The following GSK3B variants were observed in gnomAD, a reference collection of about 807,000 sequenced individuals.
The protein encoded by GSK3B is glycogen synthase kinase 3 beta.
Under a neutral mutation model 56.4 loss-of-function variants are expected in GSK3B, and 15 were observed. The ratio of observed to expected loss-of-function variants is 0.27; its 90% confidence interval spans 0.18 to 0.41. The LOEUF is 0.41. GSK3B is among the 10% of genes least tolerant of loss of function. The pLI, the probability that GSK3B is intolerant of heterozygous loss-of-function variation, is 1.00. For synonymous variants in GSK3B, 181 were observed against 188.9 expected, an observed-to-expected ratio of 0.96 and a Z score of 0.34; for missense variants, 300 against 513.4, an observed-to-expected ratio of 0.58 and a Z score of 4.02.
At chr3:120,006,102 G>C (rs1251205887) in intron 1 of GSK3B, among the ~76,000 whole-genome samples, 4 of 149,578 alleles carry the variant, frequency 2.7e-5, no homozygotes, top group Non-Finnish European at 4.5e-5. Context: ...CAAATGGAAA[G>C]CAAAAAAAAA....
chr3:119,851,313 T>C (rs1241554733), intron 9 of GSK3B, among the ~76,000 whole-genome samples: 2 of 152,194 alleles, frequency 1.3e-5, no homozygotes, highest in Non-Finnish European at 2.9e-5. Flanking sequence ...CAAATATGCC[T>C]GATAAAGCAG....
chr3:119,897,806 AAAAAAG>A (rs1203821981), intron 7 of GSK3B, among the ~76,000 whole-genome samples: 2 of 151,240 alleles, frequency 1.3e-5, no homozygotes, highest in Non-Finnish European at 3.0e-5. Context: ...AAAAAAAAAA[AAAAAAG>A]AAAAAGAAAA....
chr3:120,058,642 T>A (rs1051761734), intron 1 of GSK3B, among the ~76,000 whole-genome samples: 33 of 152,276 alleles, frequency 2.2e-4, no homozygotes, highest in African/African-American at 7.7e-4. Context: ...TTAACTTCTC[T>A]AAACTCAATT....
At chr3:119,918,507 G>T (rs2056804698) in intron 4 of GSK3B, among the ~76,000 whole-genome samples, 1 of 151,650 alleles carries the variant, frequency 6.6e-6, no homozygotes. Flanking sequence ...CAAAAAAAAA[G>T]CAGTTTGGTG....
chr3:119,986,939 A>G (rs1231881488), intron 2 of GSK3B, among the ~76,000 whole-genome samples: 3 of 152,252 alleles, frequency 2.0e-5, no homozygotes, highest in African/African-American at 7.2e-5. Flanking sequence ...ATGTCCATCA[A>G]TGATAGACTG....
chr3:120,032,398 C>A (rs1319252731), intron 1 of GSK3B, among the ~76,000 whole-genome samples: 1 of 152,040 alleles, frequency 6.6e-6, no homozygotes, highest in African/African-American at 2.4e-5. Flanking sequence ...TCGCTTGAAC[C>A]CAGGAGGCGG....
At chr3:120,026,469 C>T (rs1170007173) in intron 1 of GSK3B, among the ~76,000 whole-genome samples, 1 of 146,892 alleles carries the variant, frequency 6.8e-6, no homozygotes, top group Non-Finnish European at 1.5e-5. Flanking sequence ...CAAAAATAAA[C>T]CACTGCTGGA....
At chr3:119,966,219 G>GT (rs564537847) in intron 2 of GSK3B, among the ~76,000 whole-genome samples, 2 of 152,140 alleles carry the variant, frequency 1.3e-5, no homozygotes, top group Admixed American at 6.6e-5. Context: ...CTCAGTGGAG[G>GT]TTTTTTAACA....
At chr3:119,973,027 A>T (rs2057381724) in intron 2 of GSK3B, among the ~76,000 whole-genome samples, 1 of 152,274 alleles carries the variant, frequency 6.6e-6, no homozygotes, top group South Asian at 2.1e-4. Flanking sequence ...ACACTTTCCA[A>T]TATTGAGGAA....
intron 6 of GSK3B, among the ~76,000 whole-genome samples, chr3:119,911,103 C>T (rs1452361413): frequency 1.3e-5 from 2 of 152,130 alleles, no homozygotes; most frequent in Non-Finnish European, 2.9e-5. Context: ...TTAGTGACAC[C>T]TAGAATGGTG....
intron 1 of GSK3B, among the ~76,000 whole-genome samples, chr3:120,089,124 A>G (rs2058489932): frequency 1.3e-5 from 2 of 152,222 alleles, no homozygotes; most frequent in Admixed American, 1.3e-4. Flanking sequence ...TTTCAGCTGA[A>G]CTTTGCCAGT....
intron 10 of GSK3B, among the ~76,000 whole-genome samples, chr3:119,827,355 A>G (rs903443135): frequency 6.6e-6 from 1 of 152,196 alleles, no homozygotes; most frequent in Non-Finnish European, 1.5e-5. Context: ...ACAGACAACC[A>G]GCAAAAAAGA....
At position 120,002,055 on chromosome 3, in the gene GSK3B, C is replaced by T; in HGVS notation, c.273G>A (p.Lys91=). Residue 91 remains lysine, a synonymous_variant, in exon 2 of 11, where the codon AAG becomes AAA. Coordinates refer to ENST00000264235, the MANE Select transcript of GSK3B (RefSeq NM_001146156.2). The part of the protein sequence containing the change: ...LVAIKKVLQD[K]RFKNRELQIM... Reference sequence around the variant, plus strand: ...ATACTGGACATTTTACCTTAAATCTCTTGTCCTGCAATACTTTCTTGATGG... The same window carrying T: ...ATACTGGACATTTTACCTTAAATCTTTTGTCCTGCAATACTTTCTTGATGG... 2 of 1,595,544 alleles carry T rather than the reference C, an allele frequency of 1.3e-6. No individual in the cohort carries two copies. The highest frequency in any genetic ancestry group is 1.7e-6 in the Non-Finnish European group (2 of 1,171,180).
intron 7 of GSK3B, among the ~76,000 whole-genome samples, chr3:119,882,296 C>A (rs2056388752): frequency 1.3e-5 from 2 of 152,008 alleles, no homozygotes; most frequent in Non-Finnish European, 2.9e-5. Flanking sequence ...TTAAGGTATA[C>A]CATGTGTGTG....
chr3:119,888,530 G>A (rs953888446), intron 7 of GSK3B, among the ~76,000 whole-genome samples: 4 of 151,934 alleles, frequency 2.6e-5, no homozygotes, highest in South Asian at 2.1e-4. Flanking sequence ...GAGGATGTAC[G>A]TCACCTCAGG....
At chr3:120,006,698 T>G (rs2057731691) in intron 1 of GSK3B, among the ~76,000 whole-genome samples, 1 of 151,886 alleles carries the variant, frequency 6.6e-6, no homozygotes, top group Non-Finnish European at 1.5e-5. Flanking sequence ...CAGAAAGAAA[T>G]AAGTTATTTG....
At chr3:119,959,502 CTGACTT>C (rs1337944114) in intron 2 of GSK3B, among the ~76,000 whole-genome samples, 4 of 139,360 alleles carry the variant, frequency 2.9e-5, no homozygotes, top group African/African-American at 1.1e-4. Flanking sequence ...CTCTTTCTCT[CTGACTT>C]TTTTTTTTTT....
chr3:119,949,263 T>A (rs2057131298), intron 2 of GSK3B, among the ~76,000 whole-genome samples: 1 of 152,236 alleles, frequency 6.6e-6, no homozygotes, highest in South Asian at 2.1e-4. Flanking sequence ...AACAAGGATC[T>A]AAGTATTCAT....
chr3:119,939,858 C>T (rs6807868), intron 3 of GSK3B, among the ~76,000 whole-genome samples: 15,921 of 151,872 alleles, frequency 0.1, 940 homozygotes, highest in African/African-American at 0.17. Context: ...CTGGTTGGTA[C>T]TAAAATTTGA....
Sources: allele counts gnomAD v4.1 joint callset (sites outside exome capture counted in the v4.1 genomes callset), GRCh38; gene constraint gnomAD v4.1.1; transcripts MANE v1.5; gene names NCBI Gene and HGNC (gene_info 2026-07-23, HGNC 2026-07-21).